Variants in OR10K1 observed in about 807,000 individuals in gnomAD.
OR10K1 encodes the protein olfactory receptor 10K1.
For synonymous variants in OR10K1, 186 were observed against 152.5 expected (o/e 1.22, Z -1.62); for missense variants, 404 against 373.3 (o/e 1.08, Z -0.68).
In OR10K1 at chr1:158,466,521, T is replaced by C. The variant is rs1184623830; in HGVS notation, c.*18T>C. 3 of 1,471,902 alleles carry C rather than the reference T, an allele frequency of 2.0e-6. No homozygotes were observed. The highest frequency in any genetic ancestry group is 2.8e-5 in the African/African-American group (2 of 71,750). The allele number at this position is 1,471,902 out of a possible 1,614,324, so 91.2% of individuals were successfully genotyped here. ...TTAGTTAAAGAGCTATTTTTTAAAC[T>C]ACTAATGCCTAGTACATGCCAGGCA... On this transcript the variant is annotated 3_prime_UTR_variant, in exon 2 of 2. Transcript: ENST00000641535.
Position 158,465,593 on chromosome 1 carries a change from A to T in OR10K1, c.32A>T (p.Glu11Val). 1 of 1,614,004 alleles carries T rather than the reference A, an allele frequency of 6.2e-7. No homozygotes were observed. Among genetic ancestry groups the T allele is most frequent in the South Asian group, 1.1e-5 (1 of 91,058 alleles). Reference sequence around the variant, plus strand: ...CAAGTCAATAAGACTGTGGTGAGAGAGTTCGTCGTCCTCGGCTTCTCATCC... The same window carrying T: ...CAAGTCAATAAGACTGTGGTGAGAGTGTTCGTCGTCCTCGGCTTCTCATCC... Reference protein sequence around the residue: MEQVNKTVVREFVVLGFSSLA... With the variant: MEQVNKTVVRVFVVLGFSSLA... The change falls in exon 2 of 2, where the codon GAG becomes GTG. Residue 11 changes from glutamate (E) to valine (V), a missense_variant. Glu to Val is a moderately radical substitution (Grantham distance 121). Coordinates refer to ENST00000641535, the MANE Select transcript of OR10K1 (RefSeq NM_001004473.2).
chr1:158,466,608 A>T lies in OR10K1; in HGVS notation c.*105A>T. 1 of 714,274 alleles carries T rather than the reference A, an allele frequency of 1.4e-6. No homozygotes were observed. The allele number at this position is 714,274 out of a possible 1,614,324, so 44.2% of individuals were successfully genotyped here. ...TCCAGCTCCACTGTAACATAAGAAC[A>T]TTTTACATATGAGAAGAATGAGGCT... On this transcript the variant is annotated 3_prime_UTR_variant, in exon 2 of 2. Transcript: ENST00000641535.
rs752251948 is a variant in OR10K1 at position 158,466,540 on chromosome 1, C to T, written c.*37C>T. The T allele has an allele frequency of 4.8e-6, 6 of 1,251,436 alleles. No homozygotes were observed. The Admixed American group carries it at 5.5e-5, about 11-fold the overall frequency. 77.5% of individuals were successfully genotyped at this position (1,251,436 alleles called of 1,614,324 possible). A position where few individuals can be genotyped will look rare whatever the true frequency, so the allele number is the denominator to read the frequency against. Reference sequence around the variant, plus strand: ...TTAAACTACTAATGCCTAGTACATGCCAGGCAGAACGTGTGTTTTATACAT... The same window carrying T: ...TTAAACTACTAATGCCTAGTACATGTCAGGCAGAACGTGTGTTTTATACAT... On this transcript the variant is annotated 3_prime_UTR_variant, in exon 2 of 2. Coordinates refer to ENST00000641535, the MANE Select transcript of OR10K1 (RefSeq NM_001004473.2).
At chr1:158,461,971 G>GA (rs1655927954) in intron 1 of OR10K1, 67 bp downstream of exon 1, 1 of 152,116 alleles carries the variant, frequency 6.6e-6, no homozygotes, top group Non-Finnish European at 1.5e-5. Flanking sequence ...GAGTGACTGG[G>GA]AATGGCCTTT....
intron 1 of OR10K1, among the ~76,000 whole-genome samples, chr1:158,463,279 T>C (rs1443598402): frequency 6.6e-6 from 1 of 152,152 alleles, no homozygotes; most frequent in Admixed American, 6.5e-5. Context: ...ATTTTCCTGG[T>C]CTTAAGTCTT....
rs779678346 is a variant in OR10K1 at position 158,466,396 on chromosome 1, A to G, written c.835A>G (p.Thr279Ala). ...AGACACCCTAATATCTGTGTCATAC[A>G]CCATCCTTACCCCATTGTTCAATCC... ...SQDTLISVSY[T>A]ILTPLFNPMI... Residue 279 changes from threonine to alanine, a missense_variant, in exon 2 of 2, where the codon ACC (threonine) becomes GCC (alanine). Physicochemically the swap from Thr to Ala is moderately conservative, Grantham distance 58 (BLOSUM62 0). Coordinates refer to ENST00000641535, the MANE Select transcript of OR10K1 (RefSeq NM_001004473.2). The G allele has an allele frequency of 6.2e-7, 1 of 1,613,760 alleles. No individual in the cohort carries two copies. The highest frequency in any genetic ancestry group is 8.5e-7 in the Non-Finnish European group (1 of 1,179,750).
intron 1 of OR10K1, among the ~76,000 whole-genome samples, chr1:158,462,686 C>G (rs1363618263): frequency 2.0e-5 from 3 of 152,134 alleles, no homozygotes; most frequent in South Asian, 2.1e-4. Context: ...CATAATTTCT[C>G]TCAGCTAACT....
At chr1:158,463,616 C>T (rs1228719645) in intron 1 of OR10K1, among the ~76,000 whole-genome samples, 1 of 152,150 alleles carries the variant, frequency 6.6e-6, no homozygotes, top group African/African-American at 2.4e-5. Flanking sequence ...AAGTGAGGGC[C>T]TAGTGGCGGT....
At position 158,465,504 on chromosome 1, in the gene OR10K1, C is replaced by T; in HGVS notation, c.-58C>T. 7.3e-7 allele frequency: 1 copy of T among 1,374,002 alleles called. No homozygotes were observed. The highest frequency in any genetic ancestry group is 2.3e-5 in the East Asian group (1 of 43,166). 85.1% of individuals were successfully genotyped at this position (1,374,002 alleles called of 1,614,324 possible). ...AAATTTCCCGTACATTTCCACTCTC[C>T]TTTCTGGATCCTGGTTTCTACCTCT... On this transcript the variant is annotated 5_prime_UTR_variant, in exon 2 of 2. Coordinates refer to ENST00000641535, the MANE Select transcript of OR10K1 (RefSeq NM_001004473.2).
At position 158,465,692 on chromosome 1, in the gene OR10K1, T is replaced by C. The variant is rs777441304; in HGVS notation, c.131T>C (p.Ile44Thr). Reference protein sequence around the residue: ...LYLFTLGTNAIIISTIVLDRA... With the variant: ...LYLFTLGTNATIISTIVLDRA... The stretch of plus-strand genomic sequence containing the variant: ...CTGTTCACTCTGGGCACCAATGCAA[T>C]CATCATTTCCACCATTGTGCTGGAC... The change falls in exon 2 of 2, where the codon ATC (isoleucine) becomes ACC (threonine). Residue 44 changes from isoleucine to threonine, a missense_variant. Ile to Thr is a moderately conservative substitution (Grantham distance 89). Transcript: ENST00000641535. 1 of 1,614,180 alleles carries C rather than the reference T, an allele frequency of 6.2e-7. No homozygotes were observed. The highest frequency in any genetic ancestry group is 8.5e-7 in the Non-Finnish European group (1 of 1,180,018).
chr1:158,466,594 T>G lies in OR10K1; in HGVS notation c.*91T>G. The stretch of plus-strand genomic sequence containing the variant: ...TTTTCATTTAATTGTCCAGCTCCAC[T>G]GTAACATAAGAACATTTTACATATG... On this transcript the variant is annotated 3_prime_UTR_variant, in exon 2 of 2. Coordinates refer to ENST00000641535, the MANE Select transcript of OR10K1 (RefSeq NM_001004473.2). 2.5e-6 allele frequency: 2 copies of G among 787,754 alleles called. No homozygotes were observed. The highest frequency in any genetic ancestry group is 4.2e-6 in the Non-Finnish European group (2 of 475,138). The allele number at this position is 787,754 out of a possible 1,614,324, so 48.8% of individuals were successfully genotyped here. A position where few individuals can be genotyped will look rare whatever the true frequency, so the allele number is the denominator to read the frequency against.
At position 158,466,223 on chromosome 1, in the gene OR10K1, T is replaced by C; in HGVS notation, c.662T>C (p.Ile221Thr). The change falls in exon 2 of 2, where the codon ATC becomes ACC. Residue 221 changes from isoleucine to threonine, a missense_variant. Physicochemically the swap from Ile to Thr is moderately conservative, Grantham distance 89. Transcript: ENST00000641535. Reference sequence around the variant, plus strand: ...CTTATCCTAGTCTCCTACATCCGCATCATCTCTGCCATTCTAAAAATCCCT... The same window carrying C: ...CTTATCCTAGTCTCCTACATCCGCACCATCTCTGCCATTCTAAAAATCCCT... ...LLLILVSYIRIISAILKIPSS... is the reference protein window; with the variant it reads ...LLLILVSYIRTISAILKIPSS... 6.2e-7 allele frequency: 1 copy of C among 1,614,186 alleles called. No individual in the cohort carries two copies. The highest frequency in any genetic ancestry group is 8.5e-7 in the Non-Finnish European group (1 of 1,180,040).
Position 158,466,398 on chromosome 1 carries a change from C to G in OR10K1, c.837C>G (p.Thr279=). 1 of 1,613,524 alleles carries G rather than the reference C, an allele frequency of 6.2e-7. No individual in the cohort carries two copies. The highest frequency in any genetic ancestry group is 8.5e-7 in the Non-Finnish European group (1 of 1,179,562). The change falls in exon 2 of 2, where the codon ACC becomes ACG. Residue 279 remains threonine (T), a synonymous_variant. Coordinates refer to ENST00000641535, the MANE Select transcript of OR10K1 (RefSeq NM_001004473.2). ...SQDTLISVSY[T]ILTPLFNPMI... ...ACACCCTAATATCTGTGTCATACAC[C>G]ATCCTTACCCCATTGTTCAATCCAA...
chr1:158,462,737 A>C (rs1655951278), intron 1 of OR10K1, among the ~76,000 whole-genome samples: 1 of 152,202 alleles, frequency 6.6e-6, no homozygotes, highest in Non-Finnish European at 1.5e-5. Context: ...TATTTCTTAA[A>C]AGTTTTACAC....
rs1224255762 is a variant in OR10K1, at chr1:158,465,554, T to C, written c.-8T>C. On this transcript the variant is annotated 5_prime_UTR_variant, in exon 2 of 2. Coordinates refer to ENST00000641535, the MANE Select transcript of OR10K1 (RefSeq NM_001004473.2). ...TGTCCCTGACTCTCCTTTATAGAAGTGCTCTCCATGGAGCAAGTCAATAAG... is the reference window on the plus strand; with the variant it reads ...TGTCCCTGACTCTCCTTTATAGAAGCGCTCTCCATGGAGCAAGTCAATAAG... 1.2e-6 allele frequency: 2 copies of C among 1,609,640 alleles called. No homozygotes were observed. The highest frequency in any genetic ancestry group is 1.7e-4 in the Middle Eastern group (1 of 6,042).
chr1:158,462,518 C>T (rs1655946920), intron 1 of OR10K1, among the ~76,000 whole-genome samples: 1 of 151,802 alleles, frequency 6.6e-6, no homozygotes, highest in South Asian at 2.1e-4. Context: ...CACTCTTCTA[C>T]TTCTGTTTCT....
chr1:158,466,582 G>A lies in OR10K1; in HGVS notation c.*79G>A. The A allele has an allele frequency of 1.2e-6, 1 of 864,184 alleles. No homozygotes were observed. The highest frequency in any genetic ancestry group is 1.9e-6 in the Non-Finnish European group (1 of 534,620). 53.5% of individuals were successfully genotyped at this position (864,184 alleles called of 1,614,324 possible). A position where few individuals can be genotyped will look rare whatever the true frequency, so the allele number is the denominator to read the frequency against. ...TTTATACATTTTTTTTCATTTAATT[G>A]TCCAGCTCCACTGTAACATAAGAAC... On this transcript the variant is annotated 3_prime_UTR_variant, in exon 2 of 2. Coordinates refer to ENST00000641535, the MANE Select transcript of OR10K1 (RefSeq NM_001004473.2).
chr1:158,465,567 G>A lies in OR10K1; in HGVS notation c.6G>A (p.Glu2=). The A allele has an allele frequency of 6.2e-7, 1 of 1,613,500 alleles. No individual in the cohort carries two copies. Among genetic ancestry groups the A allele is most frequent in the African/African-American group, 1.3e-5 (1 of 75,028 alleles). M[E]QVNKTVVREF... ...CCTTTATAGAAGTGCTCTCCATGGA[G>A]CAAGTCAATAAGACTGTGGTGAGAG... Residue 2 remains glutamate (E), a synonymous_variant, in exon 2 of 2, where the codon GAG becomes GAA. Coordinates refer to ENST00000641535, the MANE Select transcript of OR10K1 (RefSeq NM_001004473.2).
At position 158,465,143 on chromosome 1, in the gene OR10K1, T is replaced by C. The variant is rs1011165201; in HGVS notation, c.-156-263T>C. 2.6e-5 allele frequency among the ~76,000 whole-genome samples: 4 copies of C among 152,362 alleles called. No individual in the cohort carries two copies. The South Asian group carries it at 8.3e-4, about 32-fold the overall frequency. ...GGATAAACTGAAGTCCACATGATTATGTCTGAATATTATTCATTCTTTCGT... is the reference window on the plus strand; with the variant it reads ...GGATAAACTGAAGTCCACATGATTACGTCTGAATATTATTCATTCTTTCGT... On this transcript the variant is annotated intron_variant, in intron 1 of 1. Transcript: ENST00000641535.
Sources: gnomAD v4.1 joint callset for allele counts (sites outside exome capture counted in the v4.1 genomes callset) on GRCh38, gnomAD v4.1.1 for gene constraint, MANE v1.5 for transcripts, NCBI Gene and HGNC (gene_info 2026-07-23, HGNC 2026-07-21) for gene names.